The following UGT2B15 variants were observed in gnomAD, a reference collection of about 807,000 sequenced individuals.
The protein encoded by UGT2B15 is UDP-glucuronosyltransferase 2B15.
A neutral mutation model predicts 45.9 loss-of-function variants in UGT2B15; 36 were observed. The ratio of observed to expected loss-of-function variants is 0.78; its 90% confidence interval spans 0.60 to 1.04. UGT2B15 has a LOEUF of 1.04. UGT2B15 is among the 50% of genes least tolerant of loss of function. The pLI is 0.00. For missense variants in UGT2B15, 617 were observed against 622.4 expected (o/e 0.99, Z 0.09); for synonymous variants, 219 against 216.4 (o/e 1.01, Z -0.11).
In UGT2B15 at chr4:68,659,298, C is replaced by T. The variant is rs1732894851; in HGVS notation, c.1005+3710G>A. Among the ~76,000 whole-genome samples the T allele has an allele frequency of 2.0e-5, 3 of 151,724 alleles. No homozygotes were observed. In the South Asian group the frequency reaches 6.2e-4, roughly 32 times the overall value. ...ACCTGTGATATTAAGTGTTTTAAAC[C>T]TTTGATATTTGAGAAATTTTCCAAA... On this transcript the variant is annotated intron_variant, in intron 3 of 5. Coordinates refer to ENST00000338206, the MANE Select transcript of UGT2B15 (RefSeq NM_001076.4).
At chr4:68,668,340 A>T in intron 1 of UGT2B15, 152 bp from the exon 2 acceptor site, 1 of 1,149,886 alleles carries the variant, frequency 8.7e-7, no homozygotes, top group African/African-American at 1.6e-5. Flanking sequence ...ATACATTTAT[A>T]TATAGTCATA....
At chr4:68,651,362 C>T (rs1465090244) in intron 5 of UGT2B15, among the ~76,000 whole-genome samples, 1 of 152,090 alleles carries the variant, frequency 6.6e-6, no homozygotes, top group Non-Finnish European at 1.5e-5. Context: ...TTTCCGTTTT[C>T]TGCGTATGGC....
In UGT2B15 at chr4:68,655,265, CAGTT is replaced by C. The variant is rs532134840; in HGVS notation, c.1006-87_1006-84del. On this transcript the variant is annotated intron_variant, in intron 3 of 5. Coordinates refer to ENST00000338206, the MANE Select transcript of UGT2B15 (RefSeq NM_001076.4). ...TTAGAATTCTGAAGAGATTAATAAT[CAGTT>C]AGTTAATCCATATAAAAGATGAAGA... 9,363 of 1,473,902 alleles carry C rather than the reference CAGTT, an allele frequency of 6.4e-3. 65 individuals are homozygous for C. The highest frequency in any genetic ancestry group is 7.1e-3 in the Non-Finnish European group (7,585 of 1,063,372). The allele number at this position is 1,473,902 out of a possible 1,614,324, so 91.3% of individuals were successfully genotyped here.
Position 68,647,029 on chromosome 4 carries a change from C to T in UGT2B15, c.*75G>A. 2 of 1,514,022 alleles carry T rather than the reference C, an allele frequency of 1.3e-6. No individual in the cohort carries two copies. Among genetic ancestry groups the T allele is most frequent in the Non-Finnish European group, 1.8e-6 (2 of 1,131,192 alleles). The allele number at this position is 1,514,022 out of a possible 1,614,324, so 93.8% of individuals were successfully genotyped here. On this transcript the variant is annotated 3_prime_UTR_variant, in exon 6 of 6. Transcript: ENST00000338206. Reference sequence around the variant, plus strand: ...TTGTCACAGGAAAAAGGAAATCCTCCATTTAAAACCCTCCATGCTGAAATA... The same window carrying T: ...TTGTCACAGGAAAAAGGAAATCCTCTATTTAAAACCCTCCATGCTGAAATA...
chr4:68,647,324 AG>A lies in UGT2B15; in HGVS notation c.1372del (p.Leu458TrpfsTer37). The A allele has an allele frequency of 6.2e-7, 1 of 1,613,866 alleles. No homozygotes were observed. ...RIHHDQPMKP[L>X]DRAVFWIEFV... ...CTCAATCCAGAAGACTGCTCGATCCAGGGGCTTCATTGGTTGGTCATGATGA... is the reference window on the plus strand; with the variant it reads ...CTCAATCCAGAAGACTGCTCGATCCAGGGCTTCATTGGTTGGTCATGATGA... On this transcript the variant is annotated frameshift_variant, in exon 6 of 6. Coordinates refer to ENST00000338206, the MANE Select transcript of UGT2B15 (RefSeq NM_001076.4). LOFTEE classifies it low-confidence loss of function (END_TRUNC).
In UGT2B15 at chr4:68,654,125, C is replaced by T. The variant is rs1206414816; in HGVS notation, c.1225G>A (p.Ala409Thr). 1.2e-6 allele frequency: 2 copies of T among 1,613,654 alleles called. No homozygotes were observed. Among genetic ancestry groups the T allele is most frequent in the Non-Finnish European group, 1.7e-6 (2 of 1,179,706 alleles). Residue 409 changes from alanine to threonine, a missense_variant, in exon 5 of 6, where the codon GCC (alanine) becomes ACC (threonine). Ala to Thr is a moderately conservative substitution (Grantham distance 58). Coordinates refer to ENST00000338206, the MANE Select transcript of UGT2B15 (RefSeq NM_001076.4). The part of the protein sequence containing the change: ...DQHDNIAHMK[A>T]KGAALSVDIR... ...TCCACACTGAGGGCTGCTCCCTTGG[C>T]TTTCATGTGAGCAATGTTATCATGT...
At chr4:68,651,488 C>T (rs1732653709) in intron 5 of UGT2B15, among the ~76,000 whole-genome samples, 1 of 151,928 alleles carries the variant, frequency 6.6e-6, no homozygotes, top group African/African-American at 2.4e-5. Context: ...TCTGAGGCCT[C>T]TGTTCTGTTC....
chr4:68,665,831 G>A (rs1733102991), intron 2 of UGT2B15, among the ~76,000 whole-genome samples: 1 of 152,090 alleles, frequency 6.6e-6, no homozygotes, highest in Non-Finnish European at 1.5e-5. Context: ...TGGATCACCT[G>A]AGGTCAGGAG....
intron 5 of UGT2B15, among the ~76,000 whole-genome samples, chr4:68,653,742 T>C (rs541719072): frequency 6.6e-6 from 1 of 152,032 alleles, no homozygotes; most frequent in African/African-American, 2.4e-5. Context: ...TCTCTAGTTA[T>C]GTTCTTTCTT....
chr4:68,649,273 C>CTTTTTTTTTTTTTTTTTTTTTT (rs71218976), intron 5 of UGT2B15, among the ~76,000 whole-genome samples: 1 of 93,260 alleles, frequency 1.1e-5, no homozygotes, highest in Non-Finnish European at 2.0e-5. Context: ...TTCATATAAT[C>CTTTTTTTTTTTTTTTTTTTTTT]TTTTTTTTTT....
At position 68,670,152 on chromosome 4, in the gene UGT2B15, G is replaced by A. The variant is rs774007183; in HGVS notation, c.467C>T (p.Pro156Leu). The A allele has an allele frequency of 1.9e-6, 3 of 1,613,802 alleles. No homozygotes were observed. Among genetic ancestry groups the A allele is most frequent in the African/African-American group, 2.7e-5 (2 of 74,850 alleles). Residue 156 changes from proline (P) to leucine (L), a missense_variant, in exon 1 of 6, where the codon CCC becomes CTC. By Grantham distance (98) the Pro-to-Leu change is moderately conservative. Transcript: ENST00000338206. The stretch of plus-strand genomic sequence containing the variant: ...TAGTTCAGCCAGTAGCTCACCACAG[G>A]GATTAAGGGCATCTGCCAGAATGAC... ...FDVILADALN[P>L]CGELLAELFN... is the part of the protein sequence containing the mutation.
At chr4:68,666,753 T>TATA (rs376549417) in intron 2 of UGT2B15, among the ~76,000 whole-genome samples, 176 of 86,152 alleles carry the variant, frequency 2.0e-3, no homozygotes, top group Admixed American at 3.8e-3. Context: ...TATATATATA[T>TATA]TTTTTTTTTT....
Position 68,667,972 on chromosome 4 carries a change from G to GA in UGT2B15, c.873+67dup, listed in dbSNP as rs1733189359. ...CCCCTCACTCTGAGTTAAACACTCT[G>GA]AAAGAAACATATCCAGCCATTCCTT... On this transcript the variant is annotated intron_variant, in intron 2 of 5. Coordinates refer to ENST00000338206, the MANE Select transcript of UGT2B15 (RefSeq NM_001076.4). 4.4e-6 allele frequency: 7 copies of GA among 1,581,232 alleles called. No individual in the cohort carries two copies. The Admixed American group carries it at 1.4e-4, about 31-fold the overall frequency.
intron 2 of UGT2B15, 134 bp downstream of exon 2, chr4:68,667,906 G>T (rs1478587443): frequency 1.3e-5 from 18 of 1,392,376 alleles, no homozygotes; most frequent in African/African-American, 4.4e-5. Context: ...AGAAATATAT[G>T]ATTTTCTAAT....
In UGT2B15 at chr4:68,647,254, A is replaced by G. The variant is rs1426932465; in HGVS notation, c.1443T>C (p.Ala481=). The part of the protein sequence containing the change: ...HKGAKHLRVA[A]HNLTWIQYHS... ...GGTACTGGATCCAGGTGAGGTTGTG[A>G]GCTGCGACTCGAAGGTGCTTGGCTC... Residue 481 remains alanine (A), a synonymous_variant, in exon 6 of 6, where the codon GCT becomes GCC. Transcript: ENST00000338206. 14 of 1,614,042 alleles carry G rather than the reference A, an allele frequency of 8.7e-6. No homozygotes were observed. The highest frequency in any genetic ancestry group is 1.3e-5 in the African/African-American group (1 of 75,024).
In UGT2B15 at chr4:68,662,018, T is replaced by C. The variant is rs1264999140; in HGVS notation, c.1005+990A>G. Among the ~76,000 whole-genome samples the C allele has an allele frequency of 4.6e-5, 7 of 152,068 alleles. 1 individual carries two copies. The highest frequency in any genetic ancestry group is 7.4e-5 in the Non-Finnish European group (5 of 67,976). On this transcript the variant is annotated intron_variant, in intron 3 of 5. Transcript: ENST00000338206. ...TTTTAGAATTCCCAAGCAATCTTTA[T>C]AAACTGGAGTAGAATTTACAAGTGT...
chr4:68,659,193 TCC>T (rs1732891968), intron 3 of UGT2B15, among the ~76,000 whole-genome samples: 1 of 152,010 alleles, frequency 6.6e-6, no homozygotes, highest in Non-Finnish European at 1.5e-5. Context: ...AAATTGAGTC[TCC>T]TCTCTCAAAG....
chr4:68,646,868 C>G lies in UGT2B15; in HGVS notation c.*236G>C, dbSNP rs563049602. 9.0e-5 allele frequency: 55 copies of G among 613,546 alleles called. 1 individual carries two copies. Among genetic ancestry groups the G allele is most frequent in the African/African-American group, 6.8e-4 (37 of 54,152 alleles). The allele number at this position is 613,546 out of a possible 1,614,324, so 38.0% of individuals were successfully genotyped here. A position where few individuals can be genotyped will look rare whatever the true frequency, so the allele number is the denominator to read the frequency against. ...ACTCGTCATTTAACATTAGGTATAT[C>G]TCCAAATGCTATCCTTCCCCCCATT... On this transcript the variant is annotated 3_prime_UTR_variant, in exon 6 of 6. Coordinates refer to ENST00000338206, the MANE Select transcript of UGT2B15 (RefSeq NM_001076.4).
In UGT2B15 at chr4:68,647,274, T is replaced by G; in HGVS notation, c.1423A>C (p.Lys475Gln). The change falls in exon 6 of 6, where the codon AAG (lysine) becomes CAG (glutamine). Residue 475 changes from lysine (K) to glutamine (Q), a missense_variant. Around this residue, in one of 3 missense-constraint regions of UGT2B15, gnomAD observed 265 missense variants for 245.1 expected, o/e 1.08. Coordinates refer to ENST00000338206, the MANE Select transcript of UGT2B15 (RefSeq NM_001076.4). ...TTGTGAGCTGCGACTCGAAGGTGCT[T>G]GGCTCCTTTGTGGCGCATGACAAAC... is the stretch of plus-strand genomic sequence containing the variant. Reference protein sequence around the residue: ...IEFVMRHKGAKHLRVAAHNLT... With the variant: ...IEFVMRHKGAQHLRVAAHNLT... The G allele has an allele frequency of 6.2e-7, 1 of 1,614,024 alleles. No homozygotes were observed.
Sources: gnomAD v4.1 joint callset for allele counts (sites outside exome capture counted in the v4.1 genomes callset) on GRCh38, gnomAD v4.1.1 for gene constraint, gnomAD v4.1.1 regional missense constraint, MANE v1.5 for transcripts, NCBI Gene and HGNC (gene_info 2026-07-23, HGNC 2026-07-21) for gene names.